The following PKIB variants were observed in gnomAD, a reference collection of about 807,000 sequenced individuals.
PKIB encodes PKI-beta.
A neutral mutation model predicts 4.5 loss-of-function variants in PKIB; 2 were observed. The ratio of observed to expected loss-of-function variants is 0.44; its 90% CI spans 0.18 to 1.39. PKIB has a LOEUF of 1.39. Among genes scored for constraint, PKIB ranks in the 40% most tolerant of loss-of-function variants. The pLI is 0.27. For synonymous variants in PKIB, 38 were observed against 36.0 expected (o/e 1.06, Z -0.20); for missense variants, 94 against 92.6 (o/e 1.02, Z -0.06).
At chr6:122,662,128 T>C (rs1320129014) in intron 2 of PKIB, among the ~76,000 whole-genome samples, 1 of 151,988 alleles carries the variant, frequency 6.6e-6, no homozygotes, top group Non-Finnish European at 1.5e-5. Flanking sequence ...GCAAGTGTTT[T>C]TTTCCAATTC....
intron 3 of PKIB, among the ~76,000 whole-genome samples, chr6:122,701,880 G>T (rs543604239): frequency 6.7e-4 from 102 of 152,264 alleles, no homozygotes; most frequent in African/African-American, 2.4e-3. Context: ...GAAGAACATT[G>T]CAGGGCATGC....
At chr6:122,549,804 A>G (rs866177355) in intron 2 of PKIB, among the ~76,000 whole-genome samples, 5 of 148,596 alleles carry the variant, frequency 3.4e-5, no homozygotes, top group Non-Finnish European at 5.9e-5. Context: ...TTATGTTACC[A>G]TATTTCTAAA....
intron 2 of PKIB, among the ~76,000 whole-genome samples, chr6:122,535,895 G>C (rs1437395684): frequency 1.3e-5 from 2 of 152,082 alleles, no homozygotes; most frequent in Non-Finnish European, 2.9e-5. Flanking sequence ...AGCTTCAGAA[G>C]GTCTGTGAAC....
chr6:122,491,708 G>C (rs1775937024), intron 2 of PKIB, among the ~76,000 whole-genome samples: 1 of 152,164 alleles, frequency 6.6e-6, no homozygotes, highest in South Asian at 2.1e-4. Flanking sequence ...CTGGTGCATA[G>C]CCTTTGAATA....
intron 3 of PKIB, among the ~76,000 whole-genome samples, chr6:122,706,641 C>T (rs1396112145): frequency 1.3e-5 from 2 of 152,034 alleles, no homozygotes; most frequent in Non-Finnish European, 2.9e-5. Context: ...TTTCTATGAT[C>T]GTCAGTTTCC....
At chr6:122,550,583 A>G (rs1292710536) in intron 2 of PKIB, among the ~76,000 whole-genome samples, 1 of 152,140 alleles carries the variant, frequency 6.6e-6, no homozygotes, top group Non-Finnish European at 1.5e-5. Flanking sequence ...TTTCACCAAT[A>G]TCATTCTTAT....
intron 2 of PKIB, among the ~76,000 whole-genome samples, chr6:122,570,416 C>T (rs1773327548): frequency 6.6e-6 from 1 of 152,194 alleles, no homozygotes; most frequent in African/African-American, 2.4e-5. Flanking sequence ...GATAACTCCC[C>T]TACTAACCTG....
chr6:122,513,405 C>A lies in PKIB; in HGVS notation c.-248+35466C>A, dbSNP rs1776647466. On this transcript the variant is annotated intron_variant, in intron 2 of 6. Coordinates refer to the PKIB transcript ENST00000392491. ...TGAGTGATGCTTCTGCCAACTGGAT[C>A]CTGGAGTGAAAGAACGACTAAATTG... 2.6e-5 allele frequency among the ~76,000 whole-genome samples: 4 copies of A among 152,214 alleles called. No homozygotes were observed. The South Asian group carries it at 8.3e-4, about 32-fold the overall frequency.
intron 3 of PKIB, among the ~76,000 whole-genome samples, chr6:122,692,166 G>T (rs1456313680): frequency 6.6e-6 from 1 of 152,196 alleles, no homozygotes; most frequent in Non-Finnish European, 1.5e-5. Flanking sequence ...ATTGAGTCTT[G>T]CCCAAGGCCC....
In PKIB at chr6:122,588,202, A is replaced by C. The variant is rs145184388; in HGVS notation, c.-161+2195A>C. Among the ~76,000 whole-genome samples, 18 of 152,262 alleles carry C rather than the reference A, an allele frequency of 1.2e-4. No individual in the cohort carries two copies. In the East Asian group the frequency reaches 3.1e-3, roughly 26 times the overall value. On this transcript the variant is annotated intron_variant, in intron 3 of 6. Coordinates refer to the PKIB transcript ENST00000392491. Reference sequence around the variant, plus strand: ...ATCCATCTTGAATTAATTTTTGTGTAAGGTGTAAGGAAGGGATCGAGTTTC... The same window carrying C: ...ATCCATCTTGAATTAATTTTTGTGTCAGGTGTAAGGAAGGGATCGAGTTTC...
intron 2 of PKIB, among the ~76,000 whole-genome samples, chr6:122,540,955 T>C (rs1202909742): frequency 6.6e-6 from 1 of 151,340 alleles, no homozygotes; most frequent in African/African-American, 2.4e-5. Context: ...TTGTCTCTTT[T>C]GATCTTTGTT....
intron 2 of PKIB, among the ~76,000 whole-genome samples, chr6:122,652,147 T>C (rs901053772): frequency 4.6e-5 from 7 of 152,128 alleles, no homozygotes; most frequent in African/African-American, 1.7e-4. Context: ...GGAACCACTC[T>C]TAGGGCAGAA....
intron 4 of PKIB, among the ~76,000 whole-genome samples, chr6:122,721,549 G>A (rs1779743802): frequency 6.6e-6 from 1 of 152,070 alleles, no homozygotes; most frequent in Non-Finnish European, 1.5e-5. Context: ...CTCTGAAGAA[G>A]CATCTTGCAG....
Position 122,536,047 on chromosome 6 carries a change from C to A in PKIB, c.-247-49874C>A, listed in dbSNP as rs1314785191. 2.0e-5 allele frequency among the ~76,000 whole-genome samples: 3 copies of A among 152,154 alleles called. No homozygotes were observed. In the East Asian group the frequency reaches 5.8e-4, roughly 29 times the overall value. ...CTCCACCTCCAGGATTCAATTGATCCTCCTGCCTCAGCCTCCCAAGTAGCT... is the reference window on the plus strand; with the variant it reads ...CTCCACCTCCAGGATTCAATTGATCATCCTGCCTCAGCCTCCCAAGTAGCT... On this transcript the variant is annotated intron_variant, in intron 2 of 6. Transcript: ENST00000392491.
chr6:122,481,991 C>T (rs1410167875), intron 2 of PKIB: 1 of 143,994 alleles, frequency 6.9e-6, no homozygotes, highest in Non-Finnish European at 1.5e-5. Context: ...GGCGGAGTCT[C>T]GCGGTAGCCC....
At chr6:122,530,721 G>C (rs1777230816) in intron 2 of PKIB, among the ~76,000 whole-genome samples, 1 of 152,154 alleles carries the variant, frequency 6.6e-6, no homozygotes, top group Non-Finnish European at 1.5e-5. Context: ...AACTCTCCCA[G>C]TCAGGTGAGA....
chr6:122,679,981 T>TA (rs1263511648), intron 3 of PKIB, among the ~76,000 whole-genome samples: 1 of 152,248 alleles, frequency 6.6e-6, no homozygotes. Flanking sequence ...TACCTTCTAT[T>TA]ATAGCACTCT....
At chr6:122,593,228 T>C (rs1393230956) in intron 3 of PKIB, among the ~76,000 whole-genome samples, 1 of 152,266 alleles carries the variant, frequency 6.6e-6, no homozygotes, top group Non-Finnish European at 1.5e-5. Flanking sequence ...CCTGTGCTTT[T>C]TAACTTTCTT....
At chr6:122,663,236 G>T (rs922073527) in intron 2 of PKIB, among the ~76,000 whole-genome samples, 2 of 152,124 alleles carry the variant, frequency 1.3e-5, no homozygotes, top group Non-Finnish European at 2.9e-5. Flanking sequence ...AGATCTATTA[G>T]TCTGATCCTG....
Sources: allele counts gnomAD v4.1 joint callset (sites outside exome capture counted in the v4.1 genomes callset), GRCh38; gene constraint gnomAD v4.1.1; transcripts MANE v1.5; gene names NCBI Gene and HGNC (gene_info 2026-07-23, HGNC 2026-07-21).